Variants in AK5 observed in about 807,000 individuals in gnomAD.
AK5 encodes adenylate kinase 5, also known as adenylate kinase isoenzyme 5.
A neutral mutation model predicts 69.5 loss-of-function variants in AK5; 27 were observed. The observed-to-expected ratio is 0.39, with a 90% CI of 0.29 to 0.54. The LOEUF is 0.54. Ranked by LOEUF, AK5 falls within the 20% of genes least tolerant of loss-of-function variation. The pLI is 0.71. For synonymous variants in AK5, 260 were observed against 244.4 expected, an observed-to-expected ratio of 1.06 and a Z score of -0.60; for missense variants, 531 against 700.4, an observed-to-expected ratio of 0.76 and a Z score of 2.73.
At chr1:77,346,972 G>A (rs1661950397) in intron 6 of AK5, among the ~76,000 whole-genome samples, 1 of 152,132 alleles carries the variant, frequency 6.6e-6, no homozygotes, top group South Asian at 2.1e-4. Flanking sequence ...TTTGTAATGT[G>A]TTACATAATG....
chr1:77,411,886 C>G (rs1329618984), intron 7 of AK5, among the ~76,000 whole-genome samples: 1 of 152,064 alleles, frequency 6.6e-6, no homozygotes, highest in African/African-American at 2.4e-5. Context: ...CTGGGCAGAC[C>G]CACAGAACAC....
At chr1:77,360,702 C>T (rs941834446) in intron 6 of AK5, among the ~76,000 whole-genome samples, 1 of 152,164 alleles carries the variant, frequency 6.6e-6, no homozygotes, top group African/African-American at 2.4e-5. Context: ...CTTGAGCATG[C>T]TTCAGTGCTG....
At chr1:77,350,513 T>G (rs1662136596) in intron 6 of AK5, among the ~76,000 whole-genome samples, 1 of 152,192 alleles carries the variant, frequency 6.6e-6, no homozygotes, top group Admixed American at 6.5e-5. Context: ...GCTAGAAATA[T>G]TAAGCTGGTA....
intron 10 of AK5, among the ~76,000 whole-genome samples, chr1:77,491,948 T>C (rs138323485): frequency 2.0e-4 from 31 of 152,362 alleles, no homozygotes; most frequent in Middle Eastern, 3.4e-3. Context: ...GCCTGTTGTT[T>C]TTGTTTTTTC....
chr1:77,405,312 A>G (rs945792076), intron 6 of AK5, among the ~76,000 whole-genome samples: 19 of 152,188 alleles, frequency 1.2e-4, no homozygotes, highest in Non-Finnish European at 2.5e-4. Context: ...GAGAGCAGAA[A>G]CTCCAGTTAA....
At chr1:77,453,625 A>G (rs10873942) in intron 8 of AK5, among the ~76,000 whole-genome samples, 62,897 of 151,954 alleles carry the variant, frequency 0.41, 13,278 homozygotes, top group Middle Eastern at 0.53. Context: ...TTCTATAATA[A>G]ACAGCAGGGG....
intron 8 of AK5, among the ~76,000 whole-genome samples, chr1:77,453,952 G>A (rs972803831): frequency 2.6e-5 from 4 of 152,264 alleles, no homozygotes; most frequent in African/African-American, 9.6e-5. Flanking sequence ...TGTACGGGGA[G>A]CCCCTTTTTC....
chr1:77,537,803 C>T (rs951007616), intron 13 of AK5, among the ~76,000 whole-genome samples: 4 of 152,210 alleles, frequency 2.6e-5, no homozygotes, highest in South Asian at 2.1e-4. Flanking sequence ...GATGCCTCTG[C>T]ATTTAACTGA....
intron 5 of AK5, among the ~76,000 whole-genome samples, chr1:77,325,643 A>G (rs1267306972): frequency 3.9e-5 from 6 of 152,058 alleles, no homozygotes; most frequent in African/African-American, 1.4e-4. Context: ...CTATATTCCA[A>G]TATAGTGAAA....
intron 5 of AK5, among the ~76,000 whole-genome samples, chr1:77,323,123 C>T (rs1162474221): frequency 2.0e-5 from 3 of 151,842 alleles, no homozygotes; most frequent in Non-Finnish European, 4.4e-5. Context: ...CAAGTAGCTG[C>T]GACTACAGGC....
intron 6 of AK5, among the ~76,000 whole-genome samples, chr1:77,383,305 A>G (rs987384291): frequency 1.3e-5 from 2 of 152,204 alleles, no homozygotes; most frequent in Admixed American, 6.5e-5. Context: ...CACTCAAGTT[A>G]TCTATATTAT....
At chr1:77,429,405 G>A (rs923506338) in intron 8 of AK5, among the ~76,000 whole-genome samples, 1 of 152,138 alleles carries the variant, frequency 6.6e-6, no homozygotes, top group African/African-American at 2.4e-5. Context: ...GTCTTCTTTT[G>A]AGAAGTGTCT....
chr1:77,379,239 C>G (rs1647456077), intron 6 of AK5, among the ~76,000 whole-genome samples: 1 of 152,174 alleles, frequency 6.6e-6, no homozygotes, highest in East Asian at 1.9e-4. Context: ...ATAAATACCT[C>G]CCTTGCGATG....
At chr1:77,455,273 A>T (rs1045787999) in intron 8 of AK5, among the ~76,000 whole-genome samples, 4 of 152,152 alleles carry the variant, frequency 2.6e-5, no homozygotes, top group African/African-American at 9.7e-5. Flanking sequence ...AATCACCAAT[A>T]TGACCGTGTT....
intron 8 of AK5, among the ~76,000 whole-genome samples, chr1:77,478,722 T>G (rs1359180660): frequency 6.6e-6 from 1 of 152,222 alleles, no homozygotes; most frequent in Non-Finnish European, 1.5e-5. Context: ...TTCTTAAAAT[T>G]GGTGAACCCA....
At chr1:77,412,191 C>T (rs766623362) in intron 7 of AK5, among the ~76,000 whole-genome samples, 1 of 152,176 alleles carries the variant, frequency 6.6e-6, no homozygotes, top group Non-Finnish European at 1.5e-5. Flanking sequence ...CCCAGCACTT[C>T]GTGGCTCCCT....
At chr1:77,302,996 G>GT (rs112283457) in intron 5 of AK5, among the ~76,000 whole-genome samples, 4,081 of 152,216 alleles carry the variant, frequency 0.027, 197 homozygotes, top group African/African-American at 0.094. Context: ...GCATGTTTTA[G>GT]TTTTTTTGAT....
chr1:77,324,836 G>A lies in AK5; in HGVS notation c.700-15541G>A, dbSNP rs112476995. Among the ~76,000 whole-genome samples the A allele has an allele frequency of 8.5e-5, 13 of 152,254 alleles. No individual in the cohort carries two copies. The East Asian group carries it at 1.9e-3, about 23-fold the overall frequency. ...CTTGATTTCATGTATTCTGCAGATC[G>A]TTTCATTGGGTAGTCTCTCGGCTTA... On this transcript the variant is annotated intron_variant, in intron 5 of 13. Transcript: ENST00000354567.
chr1:77,294,624 A>G (rs904329454), intron 3 of AK5, among the ~76,000 whole-genome samples: 1 of 152,162 alleles, frequency 6.6e-6, no homozygotes, highest in African/African-American at 2.4e-5. Flanking sequence ...ATAGTGTTTT[A>G]CATAGCACAT....
Sources: gnomAD v4.1 joint callset for allele counts (sites outside exome capture counted in the v4.1 genomes callset) on GRCh38, gnomAD v4.1.1 for gene constraint, MANE v1.5 for transcripts, NCBI Gene and HGNC (gene_info 2026-07-23, HGNC 2026-07-21) for gene names.